Variants in CHEK1 observed in about 807,000 individuals in gnomAD.
CHEK1 encodes serine/threonine-protein kinase Chk1.
CHEK1 carries 32 observed loss-of-function variants against 60.2 expected under a neutral mutation model. That is an observed-to-expected ratio of 0.53 (90% CI 0.40 to 0.71). The LOEUF (loss-of-function observed/expected upper bound fraction) is 0.71, where lower values mean the gene tolerates loss of function less well. CHEK1 is among the 30% of genes least tolerant of loss of function. The pLI is 0.00. For missense variants in CHEK1, 399 were observed against 564.6 expected, an observed-to-expected ratio of 0.71 and a Z score of 2.97; for synonymous variants, 179 against 187.2, an observed-to-expected ratio of 0.96 and a Z score of 0.36.
At position 125,625,845 on chromosome 11, in the gene CHEK1, A is replaced by G. The variant is rs77183579; in HGVS notation, c.-188A>G. ...CCTGGGCGGGAGCGGCAACATCTCC[A>G]CGTCACCCTTTTGGAGCCGCCGACA... On this transcript the variant is annotated 5_prime_UTR_variant, in exon 1 of 13. Coordinates refer to ENST00000438015, the MANE Select transcript of CHEK1 (RefSeq NM_001114122.3). The G allele has an allele frequency of 0.076, 53,606 of 702,408 alleles. 3,087 individuals carry two copies. Among genetic ancestry groups the G allele is most frequent in the African/African-American group, 0.24 (13,903 of 57,324 alleles). 43.5% of individuals were successfully genotyped at this position (702,408 alleles called of 1,614,324 possible).
downstream of CHEK1, among the ~76,000 whole-genome samples, chr11:125,678,997 TAGACACACAC>T (rs1942662727): frequency 7.0e-6 from 1 of 142,286 alleles, no homozygotes; most frequent in Non-Finnish European, 1.5e-5. Flanking sequence ...TATATATATA[TAGACACACAC>T]ACATATATGA....
Position 125,653,794 on chromosome 11 carries a change from G to A in CHEK1, c.1282G>A (p.Val428Met). 6.3e-7 allele frequency: 1 copy of A among 1,596,492 alleles called. No individual in the cohort carries two copies. The highest frequency in any genetic ancestry group is 8.6e-7 in the Non-Finnish European group (1 of 1,169,210). The change falls in exon 12 of 13, where the codon GTG (valine) becomes ATG (methionine). Residue 428 changes from valine to methionine, a missense_variant. This residue lies in a region of CHEK1 where 29 missense variants were observed against 69.8 expected (regional missense o/e 0.42). Transcript: ENST00000438015. The surrounding 1 kb of genome is among the most constrained non-coding windows in gnomAD (Gnocchi z 4.3). ...GAGAAACAATAAACTCATTTTCAAA[G>A]TGAATTTGTTAGAAATGGATGATAA... Reference protein sequence around the residue: ...DRRNNKLIFKVNLLEMDDKIL... With the variant: ...DRRNNKLIFKMNLLEMDDKIL...
intron 8 of CHEK1, among the ~76,000 whole-genome samples, chr11:125,641,263 G>T (rs1941294062): frequency 6.6e-6 from 1 of 151,520 alleles, no homozygotes; most frequent in South Asian, 2.1e-4. Flanking sequence ...TCTTCATTTG[G>T]CTTCCAGGCG....
At chr11:125,681,029 C>A, downstream of CHEK1, 1 of 361,884 alleles carries the variant, frequency 2.8e-6, no homozygotes, top group Non-Finnish European at 4.9e-6. This position sits in a 1 kb window ranked among gnomAD's most constrained non-coding sequence, Gnocchi z 4.2. Flanking sequence ...TTTCTGTGTG[C>A]AGGGTAGTGT....
chr11:125,656,809 C>T lies in CHEK1; in HGVS notation c.*1489C>T, dbSNP rs1941915156. ...ATGTTACTTCCTCTGCAAAGTCTTT[C>T]CCTGACTTATCTAAAATAATAACCT... On this transcript the variant is annotated 3_prime_UTR_variant, in exon 13 of 13. Coordinates refer to ENST00000438015, the MANE Select transcript of CHEK1 (RefSeq NM_001114122.3). 2 of 213,456 alleles carry T rather than the reference C, an allele frequency of 9.4e-6. No individual in the cohort carries two copies. Among genetic ancestry groups the T allele is most frequent in the East Asian group, 7.0e-5 (1 of 14,314 alleles). 13.2% of individuals were successfully genotyped at this position (213,456 alleles called of 1,614,324 possible). A position where few individuals can be genotyped will look rare whatever the true frequency, so the allele number is the denominator to read the frequency against.
chr11:125,628,797 T>C (rs145898615), intron 3 of CHEK1, among the ~76,000 whole-genome samples: 10 of 152,206 alleles, frequency 6.6e-5, no homozygotes, highest in South Asian at 2.1e-4. Flanking sequence ...AAAGTTAAAT[T>C]ATAAAAGAAG....
chr11:125,678,978 T>TTATTTATA (rs1555078665), downstream of CHEK1, among the ~76,000 whole-genome samples: 7 of 88,434 alleles, frequency 7.9e-5, no homozygotes, highest in Non-Finnish European at 4.5e-5. Flanking sequence ...TCTAGGCATA[T>TTATTTATA]TATATATATA....
At chr11:125,639,142 A>G (rs1323947804) in intron 8 of CHEK1, among the ~76,000 whole-genome samples, 4 of 151,878 alleles carry the variant, frequency 2.6e-5, no homozygotes, top group Admixed American at 2.6e-4. Flanking sequence ...TCTCTTCATC[A>G]TACTTAGTGG....
intron 5 of CHEK1, among the ~76,000 whole-genome samples, chr11:125,631,175 T>A (rs1213339206): frequency 2.0e-5 from 3 of 152,204 alleles, no homozygotes; most frequent in Non-Finnish European, 4.4e-5. Flanking sequence ...ATTTAAAGAT[T>A]TCAAAGGAAA....
downstream of CHEK1, among the ~76,000 whole-genome samples, chr11:125,658,035 G>T (rs1250671929): frequency 6.6e-6 from 1 of 152,174 alleles, no homozygotes; most frequent in Non-Finnish European, 1.5e-5. Context: ...TACAGTTGGT[G>T]TGGTCAGTAT....
intron 6 of CHEK1, among the ~76,000 whole-genome samples, chr11:125,634,130 G>A (rs1188627591): frequency 6.6e-6 from 1 of 151,320 alleles, no homozygotes; most frequent in African/African-American, 2.4e-5. Flanking sequence ...AAGTAGCTGG[G>A]ATTACAGGCA....
At chr11:125,679,228 T>TTTTTTTTTTTTTTTTTTTTG (rs1454887323), downstream of CHEK1, among the ~76,000 whole-genome samples, 15 of 145,556 alleles carry the variant, frequency 1.0e-4, no homozygotes, top group African/African-American at 3.9e-4. Context: ...TTTTTTTTTT[T>TTTTTTTTTTTTTTTTTTTTG]TGTTTCAAAG....
At chr11:125,659,959 G>T (rs147253538), downstream of CHEK1, among the ~76,000 whole-genome samples, 1 of 152,196 alleles carries the variant, frequency 6.6e-6, no homozygotes, top group East Asian at 1.9e-4. Context: ...AATAGAATTG[G>T]ATAATACATG....
At chr11:125,679,342 C>T (rs1450599344), downstream of CHEK1, among the ~76,000 whole-genome samples, 6 of 151,384 alleles carry the variant, frequency 4.0e-5, no homozygotes, top group African/African-American at 1.2e-4. Context: ...CTCTGCCTCC[C>T]GAGTAGCTGG....
At chr11:125,650,106 A>G (rs1242274820) in intron 11 of CHEK1, among the ~76,000 whole-genome samples, 1 of 149,014 alleles carries the variant, frequency 6.7e-6, no homozygotes, top group Non-Finnish European at 1.5e-5. Context: ...AATGTTTTTA[A>G]TCACACTTGG....
Position 125,637,907 on chromosome 11 carries a change from G to A in CHEK1, c.814+363G>A, listed in dbSNP as rs955643230. 7.2e-5 allele frequency among the ~76,000 whole-genome samples: 11 copies of A among 152,232 alleles called. 1 individual carries two copies. Among genetic ancestry groups the A allele is most frequent in the African/African-American group, 2.7e-4 (11 of 41,456 alleles). On this transcript the variant is annotated intron_variant, in intron 8 of 12. Coordinates refer to ENST00000438015, the MANE Select transcript of CHEK1 (RefSeq NM_001114122.3). ...AAAAATCTTAGATTTTAGAAAGTCT[G>A]ATGCTTTTGAGAAACTTGAAAGATC...
downstream of CHEK1, chr11:125,677,691 TAAC>T: frequency 6.9e-7 from 1 of 1,455,908 alleles, no homozygotes. Flanking sequence ...TGTGAAGTGT[TAAC>T]AATTCTTTCT....
downstream of CHEK1, chr11:125,677,965 G>C: frequency 6.2e-7 from 1 of 1,612,366 alleles, no homozygotes; most frequent in South Asian, 1.1e-5. Flanking sequence ...TCACTCAAAG[G>C]CTGTTCTCCG....
downstream of CHEK1, among the ~76,000 whole-genome samples, chr11:125,660,371 G>A (rs1044100004): frequency 3.9e-5 from 6 of 152,152 alleles, no homozygotes; most frequent in East Asian, 3.9e-4. Context: ...TTGGATTTGT[G>A]TATTTTTACT....
Sources: allele counts gnomAD v4.1 joint callset (sites outside exome capture counted in the v4.1 genomes callset), GRCh38; gene constraint gnomAD v4.1.1; regional missense constraint gnomAD v4.1.1; non-coding constraint Gnocchi (gnomAD v3.1); transcripts MANE v1.5; gene names NCBI Gene and HGNC (gene_info 2026-07-23, HGNC 2026-07-21).